BANK1: variants seen among roughly 807,000 people sequenced by gnomAD.
BANK1 encodes the protein B-cell scaffold protein with ankyrin repeats.
A neutral mutation model predicts 94.5 loss-of-function variants in BANK1; 95 were observed. That is an observed-to-expected ratio of 1.00 (90% CI 0.85 to 1.19). The LOEUF is 1.19. BANK1 is among the 50% of genes most tolerant of loss of function. The pLI is 0.00. For missense variants in BANK1, 987 were observed against 932.2 expected, an observed-to-expected ratio of 1.06 and a Z score of -0.77; for synonymous variants, 334 against 308.4, an observed-to-expected ratio of 1.08 and a Z score of -0.87.
At chr4:102,031,666 G>A (rs1288117537) in intron 10 of BANK1, among the ~76,000 whole-genome samples, 1 of 152,092 alleles carries the variant, frequency 6.6e-6, no homozygotes, top group Non-Finnish European at 1.5e-5. Context: ...AATTCTCCTT[G>A]ATACTTCCTT....
At chr4:101,951,766 A>C (rs895147232) in intron 7 of BANK1, among the ~76,000 whole-genome samples, 2 of 152,020 alleles carry the variant, frequency 1.3e-5, no homozygotes, top group Non-Finnish European at 2.9e-5. Flanking sequence ...ATTTTGGGGG[A>C]GTTTCCTTCA....
chr4:102,063,152 G>A lies in BANK1; in HGVS notation c.2212+14G>A, dbSNP rs778593053. 10 of 1,602,246 alleles carry A rather than the reference G, an allele frequency of 6.2e-6. No individual in the cohort carries two copies. The highest frequency in any genetic ancestry group is 1.3e-5 in the African/African-American group (1 of 74,672). ...AAAATGTCTATAGTAAGTAAGATTC[G>A]CCTGCTATTCAAAAATAATAGAGTG... On this transcript the variant is annotated intron_variant, in intron 13 of 16. Coordinates refer to ENST00000322953, the MANE Select transcript of BANK1 (RefSeq NM_017935.5).
chr4:101,911,762 G>T (rs1167766053), intron 6 of BANK1, among the ~76,000 whole-genome samples: 2 of 152,052 alleles, frequency 1.3e-5, no homozygotes, highest in Non-Finnish European at 2.9e-5. Flanking sequence ...CTTATTCATG[G>T]CATCTGCTAT....
chr4:101,841,954 T>C (rs1334916033), intron 2 of BANK1, among the ~76,000 whole-genome samples: 2 of 151,938 alleles, frequency 1.3e-5, no homozygotes, highest in Non-Finnish European at 2.9e-5. Flanking sequence ...ATTTTATAGA[T>C]AAGCTACTCA....
chr4:102,023,730 T>G (rs1417671500), intron 8 of BANK1, among the ~76,000 whole-genome samples: 1 of 152,230 alleles, frequency 6.6e-6, no homozygotes, highest in Admixed American at 6.5e-5. Flanking sequence ...TGTTGCTTAT[T>G]CAGTATTAAG....
chr4:101,932,743 AAT>A (rs1473702918), intron 7 of BANK1, among the ~76,000 whole-genome samples: 11 of 151,568 alleles, frequency 7.3e-5, no homozygotes, highest in Admixed American at 6.6e-4. Flanking sequence ...CCTCTGGGAA[AAT>A]ATATACATGT....
At chr4:101,875,613 G>T (rs1380231705) in intron 5 of BANK1, among the ~76,000 whole-genome samples, 2 of 152,024 alleles carry the variant, frequency 1.3e-5, no homozygotes, top group Non-Finnish European at 2.9e-5. Flanking sequence ...TCCCACCAGG[G>T]TCCCCCCCTA....
intron 5 of BANK1, among the ~76,000 whole-genome samples, chr4:101,873,533 C>T (rs1315598399): frequency 6.6e-6 from 1 of 152,086 alleles, no homozygotes; most frequent in African/African-American, 2.4e-5. Flanking sequence ...GCGCATATAG[C>T]AAAATGAGCG....
intron 7 of BANK1, among the ~76,000 whole-genome samples, chr4:101,970,240 T>C (rs963844066): frequency 6.6e-6 from 1 of 152,126 alleles, no homozygotes; most frequent in Admixed American, 6.6e-5. Context: ...ACGGATTCAA[T>C]AGGTAGCTAC....
chr4:101,921,370 A>T (rs1722991494), intron 7 of BANK1, among the ~76,000 whole-genome samples: 1 of 151,980 alleles, frequency 6.6e-6, no homozygotes, highest in African/African-American at 2.4e-5. Flanking sequence ...AAAGCCCAGG[A>T]CATTTTAAAT....
intron 7 of BANK1, among the ~76,000 whole-genome samples, chr4:101,967,684 A>T (rs745358374): frequency 7.9e-5 from 12 of 152,026 alleles, no homozygotes; most frequent in Non-Finnish European, 1.6e-4. Flanking sequence ...TTCATATCCC[A>T]GACTTTGTGA....
intron 7 of BANK1, among the ~76,000 whole-genome samples, chr4:101,950,058 T>TGCGC (rs1331973850): frequency 8.8e-5 from 12 of 136,992 alleles, no homozygotes; most frequent in African/African-American, 3.4e-4. Context: ...TGTGTGTGTG[T>TGCGC]GTGCGCGTGC....
chr4:101,895,313 T>C lies in BANK1; in HGVS notation c.912T>C (p.Ile304=). 2 of 1,571,094 alleles carry C rather than the reference T, an allele frequency of 1.3e-6. No homozygotes were observed. The highest frequency in any genetic ancestry group is 1.7e-6 in the Non-Finnish European group (2 of 1,156,600). ...TTTTCACTTGAAAACAGAATAGCAT[T>C]GAAGAACTTGATGGTGTCCTTACAT... ...DSGESLCQNS[I]EELDGVLTSI... is the part of the protein sequence containing the mutation. The change falls in exon 6 of 17, where the codon ATT becomes ATC. Residue 304 remains isoleucine, a synonymous_variant. Coordinates refer to ENST00000322953, the MANE Select transcript of BANK1 (RefSeq NM_017935.5).
chr4:101,848,367 C>G (rs548530228), intron 2 of BANK1, among the ~76,000 whole-genome samples: 3 of 152,192 alleles, frequency 2.0e-5, no homozygotes, highest in Non-Finnish European at 4.4e-5. Context: ...AGTCCTGCCT[C>G]CTCCTGTCCG....
chr4:101,981,604 G>A (rs1317211702), intron 7 of BANK1, among the ~76,000 whole-genome samples: 1 of 151,776 alleles, frequency 6.6e-6, no homozygotes, highest in East Asian at 1.9e-4. Context: ...TATATGCCTT[G>A]GCACATTTTA....
In BANK1 at chr4:101,902,593, A is replaced by C. The variant is rs534350346; in HGVS notation, c.1009+7183A>C. 4.5e-4 allele frequency among the ~76,000 whole-genome samples: 69 copies of C among 152,314 alleles called. 1 individual carries two copies. The highest frequency in any genetic ancestry group is 1.6e-3 in the African/African-American group (68 of 41,572). On this transcript the variant is annotated intron_variant, in intron 6 of 16. Coordinates refer to ENST00000322953, the MANE Select transcript of BANK1 (RefSeq NM_017935.5). ...TTTTACTTTCATCTGATATTTACAA[A>C]GGTCTGTGCTGTTGTTCTAATGGTA...
chr4:102,006,283 G>C (rs1266113915), intron 7 of BANK1, among the ~76,000 whole-genome samples: 1 of 151,958 alleles, frequency 6.6e-6, no homozygotes, highest in African/African-American at 2.4e-5. Context: ...CTGTTCTCAT[G>C]TTTCTCCCTC....
At chr4:101,860,715 G>A (rs762492518) in intron 3 of BANK1, among the ~76,000 whole-genome samples, 1 of 152,182 alleles carries the variant, frequency 6.6e-6, no homozygotes, top group Non-Finnish European at 1.5e-5. Flanking sequence ...ACAGGCATGA[G>A]CCACCGCACC....
chr4:101,882,520 T>A (rs534694406), intron 5 of BANK1, among the ~76,000 whole-genome samples: 82 of 152,312 alleles, frequency 5.4e-4, no homozygotes, highest in South Asian at 1.2e-3. Flanking sequence ...CCTGAGATAG[T>A]ACCACTCTTT....
Sources: gnomAD v4.1 joint callset for allele counts (sites outside exome capture counted in the v4.1 genomes callset) on GRCh38, gnomAD v4.1.1 for gene constraint, MANE v1.5 for transcripts, NCBI Gene and HGNC (gene_info 2026-07-23, HGNC 2026-07-21) for gene names.